The following C2CD2L variants were observed in gnomAD, a reference collection of about 807,000 sequenced individuals.
C2CD2L encodes the protein phospholipid transfer protein C2CD2L.
Under a neutral mutation model 69.9 loss-of-function variants are expected in C2CD2L, and 24 were observed. The ratio of observed to expected loss-of-function variants is 0.34; its 90% CI spans 0.25 to 0.48. The LOEUF (loss-of-function observed/expected upper bound fraction) is 0.48. C2CD2L is among the 20% of genes least tolerant of loss of function. C2CD2L has a pLI of 0.99. For synonymous variants in C2CD2L, 367 were observed against 391.0 expected, an observed-to-expected ratio of 0.94 and a Z score of 0.72; for missense variants, 811 against 941.5, an observed-to-expected ratio of 0.86 and a Z score of 1.81.
At chr11:119,113,830 TATTC>T in intron 11 of C2CD2L, 21 bp from the exon 12 acceptor site, 1 of 1,612,946 alleles carries the variant, frequency 6.2e-7, no homozygotes, top group Non-Finnish European at 8.5e-7. Flanking sequence ...GAAGTCAGGT[TATTC>T]ATTCTCTGCA....
chr11:119,106,510 T>C (rs1339417538), upstream of C2CD2L, among the ~76,000 whole-genome samples: 2 of 152,216 alleles, frequency 1.3e-5, no homozygotes, highest in Admixed American at 6.5e-5. Flanking sequence ...TAGGAAAAGA[T>C]GGCTTCTGAG....
chr11:119,102,989 C>T (rs1171833286), upstream of C2CD2L, among the ~76,000 whole-genome samples: 1 of 149,744 alleles, frequency 6.7e-6, no homozygotes, highest in Non-Finnish European at 1.5e-5. Context: ...TCTCCTGCCT[C>T]AGCCTCCCGA....
upstream of C2CD2L, among the ~76,000 whole-genome samples, chr11:119,103,673 G>C (rs543606944): frequency 1.2e-5 from 1 of 86,650 alleles, no homozygotes. Flanking sequence ...TCCCAGCCTG[G>C]GCAACAGAGG....
Position 119,110,858 on chromosome 11 carries a change from C to T in C2CD2L, c.582C>T (p.Asn194=), listed in dbSNP as rs770671304. The T allele has an allele frequency of 1.9e-6, 3 of 1,614,078 alleles. No individual in the cohort carries two copies. The South Asian group carries it at 3.3e-5, about 18-fold the overall frequency. The change falls in exon 4 of 14, where the codon AAC becomes AAT. Residue 194 remains asparagine (N), a synonymous_variant. Transcript: ENST00000648610. The surrounding 1 kb of genome is among the most constrained non-coding windows in gnomAD (Gnocchi z 5.7). Reference sequence around the variant, plus strand: ...GTTCCTGTCTGTAGTTGGAAGTCAACCTGGAGGAAATCCCTGGTGAGGGGC... The same window carrying T: ...GTTCCTGTCTGTAGTTGGAAGTCAATCTGGAGGAAATCCCTGGTGAGGGGC... The part of the protein sequence containing the change: ...LTLPPTQLEV[N]LEEIPGEGLL...
chr11:119,112,266 C>T, intron 7 of C2CD2L, 62 bp from the exon 8 acceptor site: 1 of 1,467,922 alleles, frequency 6.8e-7, no homozygotes, highest in Non-Finnish European at 9.4e-7. Flanking sequence ...CTGTGATCCA[C>T]TCAAGTGTGG....
chr11:119,107,718 C>G lies in C2CD2L; in HGVS notation c.-24C>G, dbSNP rs111313370. The G allele has an allele frequency of 7.0e-7, 1 of 1,429,874 alleles. No individual in the cohort carries two copies. The highest frequency in any genetic ancestry group is 9.2e-7 in the Non-Finnish European group (1 of 1,092,202). The allele number at this position is 1,429,874 out of a possible 1,614,324, so 88.6% of individuals were successfully genotyped here. ...GGCAGCGGGTGAGCCCCAGCCGGGA[C>G]CGGGATCGGAGCCCGCGCGGAGCAT... On this transcript the variant is annotated 5_prime_UTR_variant, in exon 1 of 14. Transcript: ENST00000648610. The surrounding 1 kb of genome is among the most constrained non-coding windows in gnomAD (Gnocchi z 5.4).
At chr11:119,106,781 G>A (rs1000060882), upstream of C2CD2L, 20 of 152,232 alleles carry the variant, frequency 1.3e-4, no homozygotes, top group Admixed American at 5.2e-4. Flanking sequence ...GGAGGTTAAT[G>A]GGGCTGTTTC....
rs1443978011 is a variant in C2CD2L, at chr11:119,107,974, G to A, written c.233G>A (p.Gly78Asp). Residue 78 changes from glycine to aspartate, a missense_variant, in exon 1 of 14, where the codon GGC becomes GAC. Physicochemically the swap from Gly to Asp is moderately conservative, Grantham distance 94. Transcript: ENST00000648610. The surrounding 1 kb of genome is among the most constrained non-coding windows in gnomAD (Gnocchi z 5.4). The part of the protein sequence containing the change: ...SLLRLRATRA[G>D]AAEEPGVRGL... ...CTGCGGCTGCGGGCGACTCGGGCTG[G>A]CGCCGCCGAGGAGCCAGGAGTCCGG... 1 of 1,555,858 alleles carries A rather than the reference G, an allele frequency of 6.4e-7. No individual in the cohort carries two copies. The highest frequency in any genetic ancestry group is 1.4e-5 in the African/African-American group (1 of 69,414).
chr11:119,110,146 C>A lies in C2CD2L; in HGVS notation c.397C>A (p.Pro133Thr). 1 of 1,614,022 alleles carries A rather than the reference C, an allele frequency of 6.2e-7. No individual in the cohort carries two copies. Among genetic ancestry groups the A allele is most frequent in the Non-Finnish European group, 8.5e-7 (1 of 1,179,900 alleles). Residue 133 changes from proline (P) to threonine (T), a missense_variant, in exon 2 of 14, where the codon CCC becomes ACC. By Grantham distance (38) the Pro-to-Thr change is conservative (BLOSUM62 -1). Transcript: ENST00000648610. This position sits in a 1 kb window ranked among gnomAD's most constrained non-coding sequence, Gnocchi z 5.7. Reference sequence around the variant, plus strand: ...CTTTGAGGAGGTGCCCCAACTCCCACCCAGAGCCAGCATCAGTCATGTGAC... The same window carrying A: ...CTTTGAGGAGGTGCCCCAACTCCCAACCAGAGCCAGCATCAGTCATGTGAC... ...IAFEEVPQLPPRASISHVTCV... is the reference protein window; with the variant it reads ...IAFEEVPQLPTRASISHVTCV...
At position 119,112,551 on chromosome 11, in the gene C2CD2L, G is replaced by A; in HGVS notation, c.1154G>A (p.Cys385Tyr). Residue 385 changes from cysteine (C) to tyrosine (Y), a missense_variant, in exon 9 of 14, where the codon TGC (cysteine) becomes TAC (tyrosine). Cys to Tyr is a radical substitution (Grantham distance 194). Coordinates refer to ENST00000648610, the MANE Select transcript of C2CD2L (RefSeq NM_001290474.2). ...PSRPLSRRQL[C>Y]PLTPGPGKAL... ...AGACCACTGTCTCGAAGACAGTTGT[G>A]CCCACTCACCCCAGGGCCAGGGAAA... 4 of 1,613,258 alleles carry A rather than the reference G, an allele frequency of 2.5e-6. No individual in the cohort carries two copies. The highest frequency in any genetic ancestry group is 3.4e-6 in the Non-Finnish European group (4 of 1,179,794).
rs1204283696 is a variant in C2CD2L, at chr11:119,118,494, T to C, written c.*2238T>C. ...TGTTGGGCGATGATAATGATGTCCATTGCTGTGTGACAGCTTGGAATTTAA... is the reference window on the plus strand; with the variant it reads ...TGTTGGGCGATGATAATGATGTCCACTGCTGTGTGACAGCTTGGAATTTAA... On this transcript the variant is annotated 3_prime_UTR_variant, in exon 14 of 14. Transcript: ENST00000648610. The C allele has an allele frequency of 1.3e-5, 2 of 152,448 alleles. No homozygotes were observed. Among genetic ancestry groups the C allele is most frequent in the African/African-American group, 2.4e-5 (1 of 41,456 alleles). The allele number at this position is 152,448 out of a possible 1,614,324, so 9.4% of individuals were successfully genotyped here.
intron 13 of C2CD2L, chr11:119,115,701 G>A (rs764108777): frequency 7.2e-5 from 30 of 413,836 alleles, no homozygotes; most frequent in Non-Finnish European, 9.5e-5. Context: ...CTTCCCATAG[G>A]AAAGAGGCCC....
chr11:119,107,892 G>A lies in C2CD2L; in HGVS notation c.151G>A (p.Ala51Thr). ...RARGDRGPGPALAGEPAGSLR... is the reference protein window; with the variant it reads ...RARGDRGPGPTLAGEPAGSLR... ...CCGCGGGGACCGGGGCCCGGGACCC[G>A]CCTTAGCCGGGGAACCCGCGGGTTC... The change falls in exon 1 of 14, where the codon GCC becomes ACC. Residue 51 changes from alanine (A) to threonine (T), a missense_variant. By Grantham distance (58) the Ala-to-Thr change is moderately conservative. Transcript: ENST00000648610. The surrounding 1 kb of genome is among the most constrained non-coding windows in gnomAD (Gnocchi z 5.4). The A allele has an allele frequency of 6.6e-7, 1 of 1,521,032 alleles. No homozygotes were observed. Among genetic ancestry groups the A allele is most frequent in the Middle Eastern group, 2.3e-4 (1 of 4,374 alleles). The allele number at this position is 1,521,032 out of a possible 1,614,324, so 94.2% of individuals were successfully genotyped here.
chr11:119,111,965 G>A, intron 7 of C2CD2L: 1 of 432,256 alleles, frequency 2.3e-6, no homozygotes, highest in Non-Finnish European at 4.2e-6. Flanking sequence ...CTTCATGGAG[G>A]AGATGACATT....
Position 119,109,980 on chromosome 11 carries a change from G to A in C2CD2L, c.355-124G>A. ...CTGTCTTAAAGCCCTGAGCCAAGGA[G>A]GGGCCAGAAGCCAGCCTGCAGCTGA... On this transcript the variant is annotated intron_variant, in intron 1 of 13. Transcript: ENST00000648610. This position sits in a 1 kb window ranked among gnomAD's most constrained non-coding sequence, Gnocchi z 5.1. 2.8e-6 allele frequency: 2 copies of A among 718,744 alleles called. No individual in the cohort carries two copies. Among genetic ancestry groups the A allele is most frequent in the Admixed American group, 2.0e-5 (1 of 49,190 alleles). The allele number at this position is 718,744 out of a possible 1,614,324, so 44.5% of individuals were successfully genotyped here.
In C2CD2L at chr11:119,108,287, C is replaced by T; in HGVS notation, c.354+192C>T. Reference sequence around the variant, plus strand: ...GTAGAAATCCAACTGGGTCCCCAGACTTCCATTTCTGTGGGCAAGGTACTC... The same window carrying T: ...GTAGAAATCCAACTGGGTCCCCAGATTTCCATTTCTGTGGGCAAGGTACTC... On this transcript the variant is annotated intron_variant, in intron 1 of 13. Transcript: ENST00000648610. 1.3e-5 allele frequency: 7 copies of T among 519,494 alleles called. No homozygotes were observed. The South Asian group carries it at 1.6e-4, about 12-fold the overall frequency. 32.2% of individuals were successfully genotyped at this position (519,494 alleles called of 1,614,324 possible).
chr11:119,104,182 A>G (rs1284729068), upstream of C2CD2L, among the ~76,000 whole-genome samples: 3 of 152,148 alleles, frequency 2.0e-5, no homozygotes, highest in Non-Finnish European at 4.4e-5. Context: ...GGAAAGGAGG[A>G]GCTTGTGGGA....
At position 119,112,221 on chromosome 11, in the gene C2CD2L, C is replaced by A. The variant is rs1008911076; in HGVS notation, c.1020-107C>A. 5 of 936,582 alleles carry A rather than the reference C, an allele frequency of 5.3e-6. No homozygotes were observed. In the Admixed American group the frequency reaches 1.3e-4, roughly 25 times the overall value. 58.0% of individuals were successfully genotyped at this position (936,582 alleles called of 1,614,324 possible). A position where few individuals can be genotyped will look rare whatever the true frequency, so the allele number is the denominator to read the frequency against. ...GAGAATCTGATTGGAGCATTTATGC[C>A]GTTTTATTTATGTACACAGCTCTCT... is the stretch of plus-strand genomic sequence containing the variant. On this transcript the variant is annotated intron_variant, in intron 7 of 13. Transcript: ENST00000648610.
rs757099283 is a variant in C2CD2L, at chr11:119,114,269, C to T, written c.1813C>T (p.Arg605Cys). The T allele has an allele frequency of 6.8e-6, 11 of 1,614,138 alleles. 1 individual carries two copies. Among genetic ancestry groups the T allele is most frequent in the South Asian group, 3.3e-5 (3 of 91,080 alleles). Reference sequence around the variant, plus strand: ...TGTCCAGGAAGCAGACGAGACAACCCGTTCGGATATTTCTGAGAGGCCATC... The same window carrying T: ...TGTCCAGGAAGCAGACGAGACAACCTGTTCGGATATTTCTGAGAGGCCATC... Reference protein sequence around the residue: ...TSVQEADETTRSDISERPSVD... With the variant: ...TSVQEADETTCSDISERPSVD... Residue 605 changes from arginine (R) to cysteine (C), a missense_variant, in exon 13 of 14, where the codon CGT becomes TGT. Coordinates refer to ENST00000648610, the MANE Select transcript of C2CD2L (RefSeq NM_001290474.2). This position sits in a 1 kb window ranked among gnomAD's most constrained non-coding sequence, Gnocchi z 5.1.
Sources: allele counts gnomAD v4.1 joint callset (sites outside exome capture counted in the v4.1 genomes callset), GRCh38; gene constraint gnomAD v4.1.1; non-coding constraint Gnocchi (gnomAD v3.1); transcripts MANE v1.5; gene names NCBI Gene and HGNC (gene_info 2026-07-23, HGNC 2026-07-21).